The following BANP variants were observed in gnomAD, a reference collection of about 807,000 sequenced individuals.
BANP encodes protein BANP.
BANP carries 11 observed loss-of-function variants against 68.1 expected under a neutral mutation model. The ratio of observed to expected loss-of-function variants is 0.16; its 90% CI spans 0.10 to 0.27. The LOEUF (loss-of-function observed/expected upper bound fraction) is 0.27, where lower values mean the gene tolerates loss of function less well. BANP is among the 10% of genes least tolerant of loss of function. BANP has a pLI of 1.00. For synonymous variants in BANP, 329 were observed against 303.2 expected (o/e 1.09, Z -0.88); for missense variants, 504 against 722.7 (o/e 0.70, Z 3.47).
intron 1 of BANP, among the ~76,000 whole-genome samples, chr16:87,972,655 C>G (rs1380456387): frequency 6.6e-6 from 1 of 152,124 alleles, no homozygotes; most frequent in African/African-American, 2.4e-5. Flanking sequence ...GTTTTGGGTT[C>G]TTTCCTGTGT....
intron 4 of BANP, among the ~76,000 whole-genome samples, chr16:87,999,267 G>C (rs1314225320): frequency 7.3e-6 from 1 of 137,778 alleles, no homozygotes; most frequent in African/African-American, 2.7e-5. Flanking sequence ...TGTCCTTCCA[G>C]ACACGTCTCC....
At chr16:88,062,621 C>T (rs1478312236) in intron 11 of BANP, among the ~76,000 whole-genome samples, 2 of 152,208 alleles carry the variant, frequency 1.3e-5, no homozygotes, top group African/African-American at 2.4e-5. Context: ...TTGGGAAGTC[C>T]GCTTCAAGTT....
intron 2 of BANP, among the ~76,000 whole-genome samples, chr16:87,979,147 G>A (rs1310945231): frequency 2.6e-5 from 4 of 152,236 alleles, no homozygotes; most frequent in South Asian, 2.1e-4. Context: ...CATCTAGTGT[G>A]TACAGGCTTA....
chr16:87,968,159 G>T (rs1387820801), intron 1 of BANP, among the ~76,000 whole-genome samples: 1 of 152,000 alleles, frequency 6.6e-6, no homozygotes, highest in Non-Finnish European at 1.5e-5. Flanking sequence ...TTGGCTGGGT[G>T]GCTTTTGACT....
intron 13 of BANP, among the ~76,000 whole-genome samples, chr16:88,075,935 G>T (rs1252973261): frequency 2.0e-5 from 3 of 151,834 alleles, no homozygotes; most frequent in Admixed American, 6.6e-5. Flanking sequence ...TTGTAGAGAC[G>T]AGGTTTCACC....
chr16:88,068,878 C>T lies in BANP; in HGVS notation c.1378-3191C>T, dbSNP rs535508948. 3.5e-3 allele frequency among the ~76,000 whole-genome samples: 322 copies of T among 91,168 alleles called. 1 individual carries two copies. The highest frequency in any genetic ancestry group is 3.1e-3 in the Non-Finnish European group (142 of 45,614). 59.8% of individuals were successfully genotyped at this position (91,168 alleles called of 152,430 possible). On this transcript the variant is annotated intron_variant, in intron 12 of 13. Transcript: ENST00000682872. ...GTTCTCTCTGCAGGGGCTCCACCTC[C>T]CTGGGCGCTCTCGTCCCCAGCCTGT... is the stretch of plus-strand genomic sequence containing the variant.
chr16:87,980,195 A>G (rs1271691547), intron 2 of BANP, among the ~76,000 whole-genome samples: 1 of 152,260 alleles, frequency 6.6e-6, no homozygotes, highest in Non-Finnish European at 1.5e-5. Context: ...ATCTTTAACA[A>G]GAACTGTTGA....
In BANP at chr16:88,076,933, A is replaced by G. The variant is rs1258593417; in HGVS notation, c.*272A>G. On this transcript the variant is annotated 3_prime_UTR_variant, in exon 14 of 14. Coordinates refer to ENST00000682872, the MANE Select transcript of BANP (RefSeq NM_001386991.1). Reference sequence around the variant, plus strand: ...CGGAGAGCGTCGCATATGCGCGGGAAATCAAGAACTATGATATTTTTCTGT... The same window carrying G: ...CGGAGAGCGTCGCATATGCGCGGGAGATCAAGAACTATGATATTTTTCTGT... 7.1e-6 allele frequency: 3 copies of G among 422,378 alleles called. No homozygotes were observed. Among genetic ancestry groups the G allele is most frequent in the Non-Finnish European group, 1.3e-5 (3 of 237,370 alleles). 26.2% of individuals were successfully genotyped at this position (422,378 alleles called of 1,614,324 possible). A position where few individuals can be genotyped will look rare whatever the true frequency, so the allele number is the denominator to read the frequency against.
chr16:88,049,730 T>C (rs1283582415), intron 11 of BANP, among the ~76,000 whole-genome samples: 2 of 151,910 alleles, frequency 1.3e-5, no homozygotes, highest in Non-Finnish European at 2.9e-5. Flanking sequence ...TCAGGTGGAG[T>C]CACGGGGGAG....
intron 13 of BANP, among the ~76,000 whole-genome samples, chr16:88,073,651 C>T (rs1466182266): frequency 6.6e-6 from 1 of 152,186 alleles, no homozygotes; most frequent in Non-Finnish European, 1.5e-5. Flanking sequence ...GGCGTGGCTG[C>T]CTCAGCCCCT....
intron 13 of BANP, among the ~76,000 whole-genome samples, chr16:88,074,780 G>A (rs920874117): frequency 3.9e-5 from 6 of 152,102 alleles, no homozygotes; most frequent in East Asian, 1.9e-4. Context: ...ACCCCTTCCC[G>A]TTAGGCCTTC....
intron 6 of BANP, among the ~76,000 whole-genome samples, chr16:88,011,341 G>A (rs1220583716): frequency 1.3e-5 from 2 of 151,618 alleles, no homozygotes; most frequent in African/African-American, 2.4e-5. Context: ...GAGACCAGAC[G>A]CCTGGAGAGC....
In BANP at chr16:88,060,003, G is replaced by C. The variant is rs527596309; in HGVS notation, c.1312-5264G>C. Among the ~76,000 whole-genome samples, 3 of 152,388 alleles carry C rather than the reference G, an allele frequency of 2.0e-5. No homozygotes were observed. In the South Asian group the frequency reaches 6.2e-4, roughly 32 times the overall value. ...GGGTTCTCCGTGTAGTGTGTGGTGA[G>C]ACTGGCTTGGCGCAGCTGTCTGTCT... is the stretch of plus-strand genomic sequence containing the variant. On this transcript the variant is annotated intron_variant, in intron 11 of 13. Coordinates refer to ENST00000682872, the MANE Select transcript of BANP (RefSeq NM_001386991.1).
chr16:87,949,725 A>G (rs1021519612), upstream of BANP: 1 of 152,232 alleles, frequency 6.6e-6, no homozygotes, highest in Non-Finnish European at 1.5e-5. Flanking sequence ...GCCTCAGTGG[A>G]ACCTCCAAGC....
At position 88,036,353 on chromosome 16, in the gene BANP, T is replaced by G. The variant is rs1399910500; in HGVS notation, c.1272+959T>G. Among the ~76,000 whole-genome samples the G allele has an allele frequency of 6.6e-6, 1 of 152,152 alleles. No homozygotes were observed. Among genetic ancestry groups the G allele is most frequent in the Non-Finnish European group, 1.5e-5 (1 of 68,008 alleles). On this transcript the variant is annotated intron_variant, in intron 10 of 13. Transcript: ENST00000682872. This position sits in a 1 kb window ranked among gnomAD's most constrained non-coding sequence, Gnocchi z 4.2. ...GAGGTCAAGGGGACTCATGGAGATG[T>G]TGGCGTGCGAGGCCTCCTGGGAGCT...
chr16:88,024,560 G>A (rs1567789979), intron 7 of BANP, among the ~76,000 whole-genome samples: 1 of 152,244 alleles, frequency 6.6e-6, no homozygotes, highest in East Asian at 1.9e-4. Flanking sequence ...AGCCCTGAGG[G>A]CTGCCCAGAC....
intron 7 of BANP, among the ~76,000 whole-genome samples, chr16:88,022,505 G>A (rs1316403528): frequency 6.6e-6 from 1 of 152,256 alleles, no homozygotes; most frequent in African/African-American, 2.4e-5. Context: ...CCAAGCCCCA[G>A]GTGGTGGTAC....
intron 1 of BANP, among the ~76,000 whole-genome samples, chr16:87,961,397 C>G (rs1017219393): frequency 4.3e-5 from 6 of 139,980 alleles, no homozygotes; most frequent in Non-Finnish European, 6.2e-5. Flanking sequence ...CTCCTGGACT[C>G]ACAGAATCTG....
In BANP at chr16:87,989,891, GGGGGATGCAGGCCCGCGTGGCTGCGCA is replaced by G. The variant is rs2065485137; in HGVS notation, c.362+5633_362+5659del. ...GGACACAGGACACAGGGTGGGTGAC[GGGGGATGCAGGCCCGCGTGGCTGCGCA>G]CATCCAGGACACAGGACACAGGGCG... On this transcript the variant is annotated intron_variant, in intron 4 of 13. Coordinates refer to ENST00000682872, the MANE Select transcript of BANP (RefSeq NM_001386991.1). Among the ~76,000 whole-genome samples, 8 of 115,672 alleles carry G rather than the reference GGGGGATGCAGGCCCGCGTGGCTGCGCA, an allele frequency of 6.9e-5. 1 individual carries two copies. Among genetic ancestry groups the G allele is most frequent in the East Asian group, 3.5e-4 (1 of 2,870 alleles). 75.9% of individuals were successfully genotyped at this position (115,672 alleles called of 152,430 possible).
Sources: allele counts gnomAD v4.1 joint callset (sites outside exome capture counted in the v4.1 genomes callset), GRCh38; gene constraint gnomAD v4.1.1; non-coding constraint Gnocchi (gnomAD v3.1); transcripts MANE v1.5; gene names NCBI Gene and HGNC (gene_info 2026-07-23, HGNC 2026-07-21).